The following ST18 variants were observed in gnomAD, a reference collection of about 807,000 sequenced individuals.
ST18 encodes the protein suppression of tumorigenicity 18 protein.
In ST18, 50 loss-of-function variants were observed where a neutral mutation model predicts 110.0. The observed-to-expected ratio is 0.45, with a 90% CI of 0.36 to 0.58. The LOEUF (loss-of-function observed/expected upper bound fraction) is 0.58. Among genes scored for constraint, ST18 ranks in the 20% least tolerant of loss-of-function variants. The pLI is 0.00. For missense variants in ST18, 1,306 were observed against 1,280.1 expected (o/e 1.02, Z -0.31); for synonymous variants, 461 against 452.4 (o/e 1.02, Z -0.24).
chr8:52,174,941 G>A (rs368093670), intron 9 of ST18, among the ~76,000 whole-genome samples: 1 of 152,144 alleles, frequency 6.6e-6, no homozygotes, highest in Admixed American at 6.5e-5. Flanking sequence ...TTTGCAATGG[G>A]TTGCCTTCAT....
At chr8:52,241,756 A>C (rs1055985651) in intron 2 of ST18, among the ~76,000 whole-genome samples, 1 of 152,262 alleles carries the variant, frequency 6.6e-6, no homozygotes, top group South Asian at 2.1e-4. Flanking sequence ...ACTTTAGTAC[A>C]TGAAAAATAC....
intron 8 of ST18, among the ~76,000 whole-genome samples, chr8:52,182,573 A>G (rs1373356764): frequency 2.6e-5 from 4 of 152,220 alleles, no homozygotes; most frequent in African/African-American, 7.2e-5. Context: ...TGACTACACT[A>G]TAAGTATCTA....
intron 2 of ST18, among the ~76,000 whole-genome samples, chr8:52,382,998 G>A (rs575906318): frequency 2.6e-5 from 4 of 152,192 alleles, no homozygotes; most frequent in African/African-American, 9.6e-5. Context: ...CCTTTCTATC[G>A]TAAAACCTGG....
At chr8:52,392,821 C>T (rs758722415) in intron 2 of ST18, among the ~76,000 whole-genome samples, 14 of 152,096 alleles carry the variant, frequency 9.2e-5, no homozygotes, top group Admixed American at 3.9e-4. Context: ...TTGCAGAAGG[C>T]GACCAATCAA....
chr8:52,364,264 A>C (rs1365710808), intron 2 of ST18, among the ~76,000 whole-genome samples: 1 of 151,964 alleles, frequency 6.6e-6, no homozygotes, highest in East Asian at 1.9e-4. Flanking sequence ...CCTCTAGTAG[A>C]CTGGCCCATA....
At chr8:52,348,375 T>C (rs1818665849) in intron 2 of ST18, among the ~76,000 whole-genome samples, 1 of 152,212 alleles carries the variant, frequency 6.6e-6, no homozygotes, top group Non-Finnish European at 1.5e-5. Context: ...CTTCTGAACA[T>C]CTTGGTTCAA....
chr8:52,221,227 C>T (rs781239248), intron 4 of ST18, among the ~76,000 whole-genome samples: 4 of 152,066 alleles, frequency 2.6e-5, no homozygotes, highest in African/African-American at 4.8e-5. Context: ...CTTTTAACCA[C>T]CAAAATAAAA....
chr8:52,276,716 T>A (rs1216237063), intron 2 of ST18, among the ~76,000 whole-genome samples: 1 of 151,998 alleles, frequency 6.6e-6, no homozygotes, highest in Admixed American at 6.6e-5. Flanking sequence ...CTGACTATTT[T>A]GAAGGTGGAA....
At chr8:52,207,225 C>T (rs1015321449) in intron 8 of ST18, among the ~76,000 whole-genome samples, 4 of 152,190 alleles carry the variant, frequency 2.6e-5, no homozygotes, top group Non-Finnish European at 5.9e-5. Flanking sequence ...GTGGCTCACA[C>T]CTATAATCCC....
chr8:52,111,079 A>G lies in ST18; in HGVS notation c.*2119T>C, dbSNP rs1320459834. The G allele has an allele frequency of 2.5e-6, 1 of 398,324 alleles. No homozygotes were observed. 24.7% of individuals were successfully genotyped at this position (398,324 alleles called of 1,614,324 possible). ...GCACATTACAAAACACATCAAGTAC[A>G]AAGTAGGCAAATAAATACAAACATA... On this transcript the variant is annotated 3_prime_UTR_variant, in exon 26 of 26. Coordinates refer to ENST00000689386, the MANE Select transcript of ST18 (RefSeq NM_001352837.2).
intron 2 of ST18, among the ~76,000 whole-genome samples, chr8:52,250,829 C>A (rs1284537237): frequency 6.6e-6 from 1 of 151,794 alleles, no homozygotes; most frequent in Non-Finnish European, 1.5e-5. Flanking sequence ...CATTAAAATG[C>A]CAGCAGTTAA....
At chr8:52,130,117 A>AG (rs201672400) in intron 22 of ST18, among the ~76,000 whole-genome samples, 4 of 94,272 alleles carry the variant, frequency 4.2e-5, no homozygotes, top group African/African-American at 1.3e-4. Flanking sequence ...AAAGAAAGAA[A>AG]GAAAAGAAAG....
At chr8:52,322,032 G>A (rs1804172003) in intron 2 of ST18, among the ~76,000 whole-genome samples, 1 of 152,332 alleles carries the variant, frequency 6.6e-6, no homozygotes, top group East Asian at 1.9e-4. Context: ...TATGGTGACT[G>A]TGGGAGCAAC....
intron 2 of ST18, among the ~76,000 whole-genome samples, chr8:52,290,200 T>C (rs2095534444): frequency 6.6e-6 from 1 of 152,144 alleles, no homozygotes; most frequent in Admixed American, 6.5e-5. Flanking sequence ...GTGACCACCC[T>C]TCATCTTGCT....
At chr8:52,297,365 A>G (rs2139459007) in intron 2 of ST18, among the ~76,000 whole-genome samples, 1 of 152,408 alleles carries the variant, frequency 6.6e-6, no homozygotes, top group South Asian at 2.1e-4. Context: ...AGCACAGAGT[A>G]CTTGCTCAAT....
intron 15 of ST18, among the ~76,000 whole-genome samples, chr8:52,153,752 T>A (rs961811805): frequency 7.2e-5 from 11 of 152,162 alleles, no homozygotes; most frequent in Non-Finnish European, 1.5e-4. Context: ...TAGACAGGCA[T>A]GAGTTCAAAT....
intron 9 of ST18, among the ~76,000 whole-genome samples, chr8:52,172,837 T>G (rs1245002244): frequency 6.6e-6 from 1 of 152,134 alleles, no homozygotes; most frequent in Non-Finnish European, 1.5e-5. Flanking sequence ...TTAAAAGAAA[T>G]GAGCTATTAT....
intron 6 of ST18, among the ~76,000 whole-genome samples, chr8:52,215,123 T>A (rs995751850): frequency 6.6e-6 from 1 of 152,146 alleles, no homozygotes; most frequent in Admixed American, 6.5e-5. Flanking sequence ...GCTCAGTGGC[T>A]CCCATCCTTA....
intron 2 of ST18, among the ~76,000 whole-genome samples, chr8:52,302,854 A>G (rs1375945856): frequency 1.3e-5 from 2 of 152,194 alleles, no homozygotes; most frequent in African/African-American, 2.4e-5. Flanking sequence ...ACCAAAAAAT[A>G]CATAGAAGGA....
Sources: gnomAD v4.1 joint callset for allele counts (sites outside exome capture counted in the v4.1 genomes callset) on GRCh38, gnomAD v4.1.1 for gene constraint, MANE v1.5 for transcripts, NCBI Gene and HGNC (gene_info 2026-07-23, HGNC 2026-07-21) for gene names.